Variants in SLIT3 observed in about 807,000 individuals in gnomAD.
SLIT3 encodes slit guidance ligand 3, also known as slit homolog 3 protein.
Under a neutral mutation model 184.0 loss-of-function variants are expected in SLIT3, and 68 were observed. The observed-to-expected ratio is 0.37, with a 90% confidence interval of 0.30 to 0.45. The LOEUF is 0.45. Ranked by LOEUF, SLIT3 falls within the 20% of genes least tolerant of loss-of-function variation. SLIT3 has a pLI of 1.00. For missense variants in SLIT3, 1,707 were observed against 2,026.0 expected, an observed-to-expected ratio of 0.84 and a Z score of 3.02; for synonymous variants, 831 against 828.6, an observed-to-expected ratio of 1.00 and a Z score of -0.05.
At chr5:168,975,313 C>G (rs1353109530) in intron 4 of SLIT3, among the ~76,000 whole-genome samples, 1 of 152,180 alleles carries the variant, frequency 6.6e-6, no homozygotes, top group Non-Finnish European at 1.5e-5. Context: ...CTAGTGAACT[C>G]TGCTTCTGAA....
intron 17 of SLIT3, among the ~76,000 whole-genome samples, chr5:168,753,645 GGTGT>G (rs766401547): frequency 6.6e-6 from 1 of 151,776 alleles, no homozygotes; most frequent in Non-Finnish European, 1.5e-5. Flanking sequence ...GTGTGTGTGT[GGTGT>G]GTGTGTGTGA....
chr5:169,114,029 C>T (rs1171727760), intron 4 of SLIT3, among the ~76,000 whole-genome samples: 1 of 152,132 alleles, frequency 6.6e-6, no homozygotes, highest in South Asian at 2.1e-4. Context: ...ACTCAATAAG[C>T]GTCAGCTACT....
intron 4 of SLIT3, among the ~76,000 whole-genome samples, chr5:169,045,632 T>G (rs1321643045): frequency 6.6e-6 from 1 of 152,166 alleles, no homozygotes; most frequent in African/African-American, 2.4e-5. Flanking sequence ...TACTAAGTTT[T>G]TACATCATTA....
rs148895568 is a variant in SLIT3 at position 169,251,602 on chromosome 5, G to A, written c.198-143C>T. ...TTAACGATATCCCTTGAGCGTGCCC[G>A]GCTAACCTTAAGGATATTGTATGGA... is the stretch of plus-strand genomic sequence containing the variant. On this transcript the variant is annotated intron_variant, in intron 1 of 35. Coordinates refer to ENST00000519560, the MANE Select transcript of SLIT3 (RefSeq NM_003062.4). The A allele has an allele frequency of 8.1e-4, 528 of 651,790 alleles. 2 individuals carry two copies. The highest frequency in any genetic ancestry group is 7.0e-3 in the African/African-American group (400 of 56,908). 40.4% of individuals were successfully genotyped at this position (651,790 alleles called of 1,614,324 possible).
chr5:168,907,973 T>TAG (rs1360826933), intron 4 of SLIT3, among the ~76,000 whole-genome samples: 998 of 66,604 alleles, frequency 0.015, 8 homozygotes, highest in Non-Finnish European at 0.02. Context: ...TATATATATA[T>TAG]ATATATAGAG....
At chr5:169,298,545 C>T (rs1349595903) in intron 1 of SLIT3, among the ~76,000 whole-genome samples, 1 of 152,116 alleles carries the variant, frequency 6.6e-6, no homozygotes, top group African/African-American at 2.4e-5. Flanking sequence ...AAGCAGCAGA[C>T]CTAACATCAA....
chr5:169,132,497 C>T (rs989950359), intron 4 of SLIT3, among the ~76,000 whole-genome samples: 3 of 152,120 alleles, frequency 2.0e-5, no homozygotes, highest in African/African-American at 7.2e-5. Context: ...TGTGAACCAA[C>T]AGAGATTTGC....
intron 1 of SLIT3, among the ~76,000 whole-genome samples, chr5:169,258,303 T>G (rs1311856288): frequency 6.6e-6 from 1 of 152,216 alleles, no homozygotes; most frequent in Non-Finnish European, 1.5e-5. Context: ...AAAGAATGCA[T>G]AAATAAATGC....
At chr5:169,240,307 C>A (rs1407078348) in intron 3 of SLIT3, among the ~76,000 whole-genome samples, 2 of 151,466 alleles carry the variant, frequency 1.3e-5, no homozygotes, top group Non-Finnish European at 3.0e-5. Context: ...AGAATTGTAC[C>A]TCCTTGTTCT....
chr5:168,713,028 G>A (rs756770105), intron 23 of SLIT3, among the ~76,000 whole-genome samples: 26 of 152,150 alleles, frequency 1.7e-4, no homozygotes, highest in Non-Finnish European at 2.5e-4. Flanking sequence ...AGTTTCCTTC[G>A]TATTTACCTA....
chr5:169,043,461 C>A (rs1757518049), intron 4 of SLIT3, among the ~76,000 whole-genome samples: 1 of 152,098 alleles, frequency 6.6e-6, no homozygotes, highest in Non-Finnish European at 1.5e-5. Flanking sequence ...TAAGTCTTAA[C>A]CCCACTGTAT....
At chr5:169,221,740 C>T (rs1305203946) in intron 3 of SLIT3, among the ~76,000 whole-genome samples, 1 of 152,216 alleles carries the variant, frequency 6.6e-6, no homozygotes, top group Non-Finnish European at 1.5e-5. Flanking sequence ...CTGTGTCTGC[C>T]TTTCATCACG....
chr5:168,744,769 C>G (rs989628134), intron 20 of SLIT3, among the ~76,000 whole-genome samples: 1 of 152,162 alleles, frequency 6.6e-6, no homozygotes, highest in Non-Finnish European at 1.5e-5. Flanking sequence ...AGATTTCTTT[C>G]AAAATATTAC....
chr5:168,724,710 A>G (rs906233803), intron 20 of SLIT3, among the ~76,000 whole-genome samples: 1 of 152,090 alleles, frequency 6.6e-6, no homozygotes, highest in African/African-American at 2.4e-5. Context: ...TCATGTTGGC[A>G]GGATTCTTGT....
intron 26 of SLIT3, among the ~76,000 whole-genome samples, chr5:168,703,554 T>C (rs1329473052): frequency 1.3e-5 from 2 of 152,150 alleles, no homozygotes; most frequent in East Asian, 3.9e-4. Flanking sequence ...TGATCTGAGG[T>C]GGTACAGTTT....
chr5:169,162,306 T>G lies in SLIT3; in HGVS notation c.413+31173A>C, dbSNP rs138148807. On this transcript the variant is annotated intron_variant, in intron 4 of 35. Transcript: ENST00000519560. ...AAACTGGTGGGTAGGTTCAGCGATT[T>G]GTTTTAACAAGTCCTCCAGGAGACT... Among the ~76,000 whole-genome samples, 1,169 of 152,328 alleles carry G rather than the reference T, an allele frequency of 7.7e-3. 56 individuals are homozygous for G. The highest frequency in any genetic ancestry group is 0.069 in the Admixed American group (1,062 of 15,304).
intron 4 of SLIT3, among the ~76,000 whole-genome samples, chr5:169,100,196 A>G (rs1759954910): frequency 6.6e-6 from 1 of 152,222 alleles, no homozygotes; most frequent in South Asian, 2.1e-4. Flanking sequence ...CAAAGCTAGA[A>G]GAGCCTAGGA....
intron 4 of SLIT3, among the ~76,000 whole-genome samples, chr5:169,069,815 T>C (rs1758480081): frequency 6.6e-6 from 1 of 151,836 alleles, no homozygotes; most frequent in Middle Eastern, 3.4e-3. Context: ...GTGTACACCA[T>C]GAGAACAGAG....
intron 4 of SLIT3, among the ~76,000 whole-genome samples, chr5:169,154,864 T>A (rs1762246923): frequency 6.6e-6 from 1 of 152,236 alleles, no homozygotes; most frequent in South Asian, 2.1e-4. Context: ...CAGCAGAACG[T>A]TCTTCTTGAA....
Sources: gnomAD v4.1 joint callset for allele counts (sites outside exome capture counted in the v4.1 genomes callset) on GRCh38, gnomAD v4.1.1 for gene constraint, MANE v1.5 for transcripts, NCBI Gene and HGNC (gene_info 2026-07-23, HGNC 2026-07-21) for gene names.